The following BANK1 variants were observed in gnomAD, a reference collection of about 807,000 sequenced individuals.
The protein encoded by BANK1 is B cell scaffold protein with ankyrin repeats 1.
A neutral mutation model predicts 94.5 loss-of-function variants in BANK1; 95 were observed. The ratio of observed to expected loss-of-function variants is 1.00; its 90% CI spans 0.85 to 1.19. The LOEUF (loss-of-function observed/expected upper bound fraction) is 1.19, where lower values mean the gene tolerates loss of function less well. BANK1 is among the 50% of genes most tolerant of loss of function. BANK1 has a pLI of 0.00. For synonymous variants in BANK1, 334 were observed against 308.4 expected (o/e 1.08, Z -0.87); for missense variants, 987 against 932.2 (o/e 1.06, Z -0.77).
intron 2 of BANK1, among the ~76,000 whole-genome samples, chr4:101,833,681 T>G (rs1398777654): frequency 6.6e-6 from 1 of 152,238 alleles, no homozygotes; most frequent in Non-Finnish European, 1.5e-5. Context: ...ATCACTGTTT[T>G]AGGAAACAGT....
At chr4:101,844,167 G>A (rs946109372) in intron 2 of BANK1, among the ~76,000 whole-genome samples, 1 of 152,132 alleles carries the variant, frequency 6.6e-6, no homozygotes, top group Non-Finnish European at 1.5e-5. Flanking sequence ...GGACAGGAAA[G>A]TAAATAATAT....
chr4:102,068,827 CAAA>C (rs35925022), intron 13 of BANK1, among the ~76,000 whole-genome samples: 5 of 137,518 alleles, frequency 3.6e-5, no homozygotes, highest in African/African-American at 2.7e-5. Context: ...GACTCCATCT[CAAA>C]AAAAAAAAAA....
intron 15 of BANK1, 67 bp downstream of exon 15, chr4:102,072,467 A>AAG: frequency 8.2e-7 from 1 of 1,220,610 alleles, no homozygotes; most frequent in Non-Finnish European, 1.2e-6. Context: ...AGAACATGAG[A>AAG]GCCTTCTATC....
At chr4:102,059,047 A>T (rs564947084) in intron 11 of BANK1, among the ~76,000 whole-genome samples, 1 of 152,304 alleles carries the variant, frequency 6.6e-6, no homozygotes, top group South Asian at 2.1e-4. Flanking sequence ...AACATTTGCT[A>T]TCAAATACTT....
intron 6 of BANK1, among the ~76,000 whole-genome samples, chr4:101,909,404 A>G (rs1007354469): frequency 6.6e-6 from 1 of 152,120 alleles, no homozygotes; most frequent in Non-Finnish European, 1.5e-5. Flanking sequence ...GGGTGGGGGT[A>G]GGGAGGAGGG....
chr4:101,795,494 T>G (rs773051226), intron 1 of BANK1, among the ~76,000 whole-genome samples: 3 of 152,150 alleles, frequency 2.0e-5, no homozygotes, highest in Non-Finnish European at 2.9e-5. Flanking sequence ...ATGGCAATTG[T>G]AGAATATTTA....
chr4:101,803,499 A>T (rs1043384103), intron 1 of BANK1, among the ~76,000 whole-genome samples: 2 of 152,198 alleles, frequency 1.3e-5, no homozygotes, highest in African/African-American at 4.8e-5. Context: ...GAAAGTGGTT[A>T]TCTATTAGGG....
intron 8 of BANK1, among the ~76,000 whole-genome samples, chr4:102,023,340 T>G (rs185408032): frequency 1.2e-4 from 18 of 152,312 alleles, no homozygotes; most frequent in Middle Eastern, 3.4e-3. Context: ...AGCTTTAAAG[T>G]TATACATCTT....
At chr4:102,039,560 G>A (rs1230014497) in intron 10 of BANK1, among the ~76,000 whole-genome samples, 3 of 152,012 alleles carry the variant, frequency 2.0e-5, no homozygotes, top group Non-Finnish European at 4.4e-5. Flanking sequence ...ACAAGGCAGG[G>A]AGAATAGAGA....
intron 5 of BANK1, among the ~76,000 whole-genome samples, chr4:101,872,626 T>A (rs1329540770): frequency 6.6e-6 from 1 of 152,154 alleles, no homozygotes; most frequent in African/African-American, 2.4e-5. Flanking sequence ...ACACTGTGTT[T>A]CTCCTTCAGG....
In BANK1 at chr4:102,035,664, A is replaced by T. The variant is rs986983761; in HGVS notation, c.1900+5399A>T. Reference sequence around the variant, plus strand: ...CTCCGTCTCAAAAAAAAAAAAAAAAAACTGAACCCATGTTGATTTTTTTTA... The same window carrying T: ...CTCCGTCTCAAAAAAAAAAAAAAAATACTGAACCCATGTTGATTTTTTTTA... On this transcript the variant is annotated intron_variant, in intron 10 of 16. Transcript: ENST00000322953. 2.1e-5 allele frequency among the ~76,000 whole-genome samples: 3 copies of T among 142,396 alleles called. No homozygotes were observed. The Admixed American group carries it at 2.1e-4, about 10-fold the overall frequency. 93.4% of individuals were successfully genotyped at this position (142,396 alleles called of 152,430 possible).
chr4:102,063,175 G>GTGAT, intron 13 of BANK1, 37 bp downstream of exon 13: 2 of 1,563,052 alleles, frequency 1.3e-6, no homozygotes, highest in Non-Finnish European at 1.8e-6. Flanking sequence ...AAATAATAGA[G>GTGAT]TGATTACGTT....
chr4:101,804,491 C>G (rs1725486840), intron 1 of BANK1, among the ~76,000 whole-genome samples: 1 of 152,226 alleles, frequency 6.6e-6, no homozygotes, highest in South Asian at 2.1e-4. Context: ...GGAAGTACCA[C>G]TAGTGATGCT....
Position 102,017,176 on chromosome 4 carries a change from G to A in BANK1, c.1207-4338G>A, listed in dbSNP as rs142065432. On this transcript the variant is annotated intron_variant, in intron 7 of 16. Coordinates refer to ENST00000322953, the MANE Select transcript of BANK1 (RefSeq NM_017935.5). ...GACTTGGGGTTCCATCATTTTAAAC[G>A]AAGGTAGTTATCTTTTACATTTATA... is the stretch of plus-strand genomic sequence containing the variant. Among the ~76,000 whole-genome samples the A allele has an allele frequency of 5.8e-3, 886 of 152,186 alleles. 5 individuals are homozygous for A. Among genetic ancestry groups the A allele is most frequent in the African/African-American group, 0.013 (549 of 41,524 alleles).
At chr4:102,021,680 G>T in intron 8 of BANK1, 88 bp downstream of exon 8, 1 of 517,500 alleles carries the variant, frequency 1.9e-6, no homozygotes, top group Non-Finnish European at 3.1e-6. Flanking sequence ...AACTGAAAAA[G>T]CAAGACTGAA....
At chr4:101,820,474 T>A (rs369678926) in intron 1 of BANK1, among the ~76,000 whole-genome samples, 17 of 152,294 alleles carry the variant, frequency 1.1e-4, no homozygotes, top group African/African-American at 3.8e-4. Context: ...GTTCCTTTTT[T>A]AAAAACTTTT....
At chr4:101,823,620 T>C (rs1726256803) in intron 1 of BANK1, among the ~76,000 whole-genome samples, 1 of 152,252 alleles carries the variant, frequency 6.6e-6, no homozygotes, top group South Asian at 2.1e-4. Context: ...TAGAACATTT[T>C]CAGTTTATAT....
chr4:101,874,037 C>G (rs573065593), intron 5 of BANK1, among the ~76,000 whole-genome samples: 2 of 152,140 alleles, frequency 1.3e-5, no homozygotes, highest in South Asian at 2.1e-4. Context: ...GAAATGACAC[C>G]AAATAATTCT....
At chr4:101,794,802 C>G (rs1421064044) in intron 1 of BANK1, among the ~76,000 whole-genome samples, 1 of 150,688 alleles carries the variant, frequency 6.6e-6, no homozygotes, top group Non-Finnish European at 1.5e-5. Context: ...AGAAAGATGA[C>G]TTCCCTCTTT....
Sources: gnomAD v4.1 joint callset for allele counts (sites outside exome capture counted in the v4.1 genomes callset) on GRCh38, gnomAD v4.1.1 for gene constraint, MANE v1.5 for transcripts, NCBI Gene and HGNC (gene_info 2026-07-23, HGNC 2026-07-21) for gene names.